The following CTTNBP2 variants were observed in gnomAD, a reference collection of about 807,000 sequenced individuals.
The protein encoded by CTTNBP2 is cortactin-binding protein 2.
In CTTNBP2, 108 loss-of-function variants were observed where a neutral mutation model predicts 156.9. That is an observed-to-expected ratio of 0.69 (90% CI 0.59 to 0.81). The LOEUF (loss-of-function observed/expected upper bound fraction) is 0.81, where lower values mean the gene tolerates loss of function less well. Ranked by LOEUF, CTTNBP2 falls within the 30% of genes least tolerant of loss-of-function variation. The pLI, the probability that CTTNBP2 is intolerant of heterozygous loss-of-function variation, is 0.00. For missense variants in CTTNBP2, 1,924 were observed against 2,035.4 expected (o/e 0.95, Z 1.05); for synonymous variants, 767 against 751.8 (o/e 1.02, Z -0.33).
At chr7:117,860,740 G>A (rs1803671006) in intron 2 of CTTNBP2, among the ~76,000 whole-genome samples, 1 of 151,938 alleles carries the variant, frequency 6.6e-6, no homozygotes, top group South Asian at 2.1e-4. Flanking sequence ...TTGAAGGTAT[G>A]GATAAACATT....
intron 2 of CTTNBP2, among the ~76,000 whole-genome samples, chr7:117,837,022 T>G (rs1319533039): frequency 6.6e-6 from 1 of 152,192 alleles, no homozygotes; most frequent in Admixed American, 6.5e-5. Context: ...GTTGTACTTT[T>G]CAGAGAATCC....
chr7:117,810,655 T>C, intron 3 of CTTNBP2, 110 bp downstream of exon 3: 1 of 843,350 alleles, frequency 1.2e-6, no homozygotes, highest in South Asian at 1.5e-5. Context: ...TCTAAGTACT[T>C]ATTGCAATCC....
chr7:117,831,640 T>C (rs1162846575), intron 2 of CTTNBP2, among the ~76,000 whole-genome samples: 2 of 151,548 alleles, frequency 1.3e-5, no homozygotes, highest in African/African-American at 2.4e-5. Context: ...CTCACCTGGG[T>C]CCCAGGAGCC....
chr7:117,833,217 C>T (rs1801729038), intron 2 of CTTNBP2, among the ~76,000 whole-genome samples: 1 of 152,294 alleles, frequency 6.6e-6, no homozygotes, highest in Non-Finnish European at 1.5e-5. Context: ...CTGCTTTCCC[C>T]TGCCTCATTC....
At chr7:117,773,794 G>A (rs1797943703) in intron 8 of CTTNBP2, among the ~76,000 whole-genome samples, 1 of 151,920 alleles carries the variant, frequency 6.6e-6, no homozygotes, top group South Asian at 2.1e-4. Flanking sequence ...TGTTCTGGAA[G>A]CCCAGGGAGA....
intron 12 of CTTNBP2, among the ~76,000 whole-genome samples, chr7:117,746,662 T>C (rs557941935): frequency 6.6e-6 from 1 of 152,326 alleles, no homozygotes; most frequent in South Asian, 2.1e-4. Context: ...ATGAGTGTCA[T>C]CTTTTTACAG....
At chr7:117,800,570 C>T (rs995999374) in intron 3 of CTTNBP2, among the ~76,000 whole-genome samples, 10 of 152,094 alleles carry the variant, frequency 6.6e-5, no homozygotes, top group South Asian at 2.1e-4. Flanking sequence ...CCTTATACAG[C>T]GGTATGAGTA....
chr7:117,832,858 T>C (rs1801698886), intron 2 of CTTNBP2, among the ~76,000 whole-genome samples: 1 of 148,702 alleles, frequency 6.7e-6, no homozygotes, highest in African/African-American at 2.5e-5. Context: ...GCAATTCTCC[T>C]GCCTCAGCCT....
intron 21 of CTTNBP2, among the ~76,000 whole-genome samples, chr7:117,718,974 G>A (rs34541842): frequency 0.21 from 31,481 of 151,972 alleles, 3,472 homozygotes; most frequent in Non-Finnish European, 0.22. Context: ...AGGCGGGCAG[G>A]TCACCTGAGG....
At chr7:117,736,701 A>G (rs371874724) in intron 14 of CTTNBP2, among the ~76,000 whole-genome samples, 14 of 152,346 alleles carry the variant, frequency 9.2e-5, no homozygotes, top group African/African-American at 2.6e-4. Context: ...GGCACAAAAC[A>G]TACTTAAAAC....
At chr7:117,816,132 A>G (rs1017303292) in intron 2 of CTTNBP2, among the ~76,000 whole-genome samples, 3 of 152,074 alleles carry the variant, frequency 2.0e-5, no homozygotes, top group Non-Finnish European at 4.4e-5. Context: ...CCAATGTCAG[A>G]CTCCTCTATG....
intron 2 of CTTNBP2, among the ~76,000 whole-genome samples, chr7:117,814,895 A>T (rs948696826): frequency 1.3e-5 from 2 of 152,216 alleles, no homozygotes; most frequent in African/African-American, 4.8e-5. Flanking sequence ...AAATGAGAGA[A>T]ATGAAGCAGT....
rs1794825564 is a variant in CTTNBP2 at position 117,722,132 on chromosome 7, C to T, written c.4448-1002G>A. Reference sequence around the variant, plus strand: ...ACATAGCGCACAGCCTTGGGCTCTGCCCTAAAAGCCTGGGATCTGACATCA... The same window carrying T: ...ACATAGCGCACAGCCTTGGGCTCTGTCCTAAAAGCCTGGGATCTGACATCA... On this transcript the variant is annotated intron_variant, in intron 19 of 22. Coordinates refer to ENST00000160373, the MANE Select transcript of CTTNBP2 (RefSeq NM_033427.3). Among the ~76,000 whole-genome samples, 7 of 152,170 alleles carry T rather than the reference C, an allele frequency of 4.6e-5. No homozygotes were observed. In the South Asian group the frequency reaches 1.4e-3, roughly 31 times the overall value.
At chr7:117,858,167 A>G (rs553847075) in intron 2 of CTTNBP2, among the ~76,000 whole-genome samples, 1 of 152,324 alleles carries the variant, frequency 6.6e-6, no homozygotes, top group Admixed American at 6.5e-5. Context: ...TCAGGAGATC[A>G]AAACCATCCT....
intron 4 of CTTNBP2, among the ~76,000 whole-genome samples, chr7:117,788,710 G>C (rs527326024): frequency 3.3e-5 from 5 of 152,300 alleles, no homozygotes; most frequent in Admixed American, 6.5e-5. Context: ...TTGAGTTGTA[G>C]AGTCGTACAC....
At chr7:117,747,968 T>G (rs1392857568) in intron 12 of CTTNBP2, among the ~76,000 whole-genome samples, 1 of 152,128 alleles carries the variant, frequency 6.6e-6, no homozygotes, top group African/African-American at 2.4e-5. Context: ...AGATATCATG[T>G]CTGGTAGCCT....
At chr7:117,846,098 G>A (rs4374927) in intron 2 of CTTNBP2, among the ~76,000 whole-genome samples, 14,025 of 152,018 alleles carry the variant, frequency 0.092, 768 homozygotes, top group African/African-American at 0.16. Flanking sequence ...TGATCCGCCC[G>A]CCTCAGCCTC....
rs1209809919 is a variant in CTTNBP2 at position 117,784,409 on chromosome 7, G to A, written c.2114C>T (p.Ala705Val). 3.7e-6 allele frequency: 6 copies of A among 1,612,002 alleles called. No homozygotes were observed. The highest frequency in any genetic ancestry group is 5.1e-6 in the Non-Finnish European group (6 of 1,179,334). ...AAGGGTGGGCCTGCCAGCCAGGGGG[G>A]CAGGACCACCACTCATTAGCAAAGG... Reference protein sequence around the residue: ...LTPLLMSGGPAPLAGRPTLLQ... With the variant: ...LTPLLMSGGPVPLAGRPTLLQ... Residue 705 changes from alanine to valine, a missense_variant, in exon 5 of 23, where the codon GCC (alanine) becomes GTC (valine). By Grantham distance (64) the Ala-to-Val change is moderately conservative. Transcript: ENST00000160373.
intron 2 of CTTNBP2, among the ~76,000 whole-genome samples, chr7:117,830,172 T>G (rs1207036738): frequency 6.6e-6 from 1 of 152,264 alleles, no homozygotes; most frequent in African/African-American, 2.4e-5. Flanking sequence ...CTTAATTTTA[T>G]TTCCATTTTT....
Sources: gnomAD v4.1 joint callset for allele counts (sites outside exome capture counted in the v4.1 genomes callset) on GRCh38, gnomAD v4.1.1 for gene constraint, MANE v1.5 for transcripts, NCBI Gene and HGNC (gene_info 2026-07-23, HGNC 2026-07-21) for gene names.